ROBO2: variants seen among roughly 807,000 people sequenced by gnomAD.
ROBO2 encodes the protein roundabout guidance receptor 2.
A neutral mutation model predicts 160.8 loss-of-function variants in ROBO2; 53 were observed. The ratio of observed to expected loss-of-function variants is 0.33; its 90% CI spans 0.26 to 0.41. The LOEUF (loss-of-function observed/expected upper bound fraction) is 0.41. Ranked by LOEUF, ROBO2 falls within the 10% of genes least tolerant of loss-of-function variation. The pLI is 1.00. For synonymous variants in ROBO2, 664 were observed against 611.7 expected, an observed-to-expected ratio of 1.09 and a Z score of -1.26; for missense variants, 1,577 against 1,722.4, an observed-to-expected ratio of 0.92 and a Z score of 1.49.
At chr3:76,194,214 T>C (rs1292699390) in intron 2 of ROBO2, among the ~76,000 whole-genome samples, 1 of 151,444 alleles carries the variant, frequency 6.6e-6, no homozygotes, top group African/African-American at 2.4e-5. Context: ...TTATTTTCTA[T>C]TGTTATTCCT....
chr3:75,987,960 A>G (rs564762738), intron 2 of ROBO2, among the ~76,000 whole-genome samples: 7 of 151,254 alleles, frequency 4.6e-5, no homozygotes, highest in South Asian at 4.3e-4. Context: ...GTTGATATTC[A>G]TAACAGATAT....
intron 1 of ROBO2, among the ~76,000 whole-genome samples, chr3:75,922,191 G>A (rs1303960467): frequency 1.3e-5 from 2 of 152,088 alleles, no homozygotes; most frequent in African/African-American, 2.4e-5. Flanking sequence ...TCAGATAATT[G>A]GCTATATGTA....
intron 2 of ROBO2, among the ~76,000 whole-genome samples, chr3:76,980,722 C>G (rs2060054605): frequency 1.3e-5 from 2 of 151,916 alleles, no homozygotes; most frequent in South Asian, 2.1e-4. Context: ...TGCCAAAAAA[C>G]TTACCTATTA....
At chr3:75,961,548 G>A (rs1167504585) in intron 2 of ROBO2, among the ~76,000 whole-genome samples, 6 of 151,566 alleles carry the variant, frequency 4.0e-5, no homozygotes, top group African/African-American at 1.5e-4. Context: ...TTTTAATATC[G>A]ATTCTGGTAA....
At chr3:77,611,935 G>A (rs1285480711) in intron 21 of ROBO2, among the ~76,000 whole-genome samples, 2 of 152,102 alleles carry the variant, frequency 1.3e-5, no homozygotes, top group African/African-American at 4.8e-5. Flanking sequence ...TTGAAAAGTG[G>A]GGCTTTTCTT....
At chr3:77,628,926 A>G (rs1191725919) in intron 23 of ROBO2, among the ~76,000 whole-genome samples, 1 of 152,182 alleles carries the variant, frequency 6.6e-6, no homozygotes, top group Non-Finnish European at 1.5e-5. Flanking sequence ...TTGCTCTTAC[A>G]AGAAGTACAA....
At chr3:76,024,953 T>A (rs562951851) in intron 2 of ROBO2, among the ~76,000 whole-genome samples, 1,970 of 149,036 alleles carry the variant, frequency 0.013, 39 homozygotes, top group Admixed American at 0.04. Context: ...ATATATATAT[T>A]ATATATATGT....
At chr3:76,651,627 G>T (rs1417827507) in intron 2 of ROBO2, among the ~76,000 whole-genome samples, 2 of 149,952 alleles carry the variant, frequency 1.3e-5, no homozygotes, top group African/African-American at 2.5e-5. Flanking sequence ...AAAAAAAAAA[G>T]AATTGAAAAA....
At chr3:76,147,053 A>T (rs1219882840) in intron 2 of ROBO2, among the ~76,000 whole-genome samples, 1 of 151,582 alleles carries the variant, frequency 6.6e-6, no homozygotes, top group Non-Finnish European at 1.5e-5. Flanking sequence ...TAATCTGTAC[A>T]GCAAACCCCA....
intron 2 of ROBO2, among the ~76,000 whole-genome samples, chr3:76,731,743 T>G (rs1182863597): frequency 1.3e-5 from 2 of 152,230 alleles, no homozygotes; most frequent in Non-Finnish European, 2.9e-5. Flanking sequence ...TTTCTGGTAC[T>G]CATACAATTC....
chr3:77,089,809 T>C (rs1040619342), intron 1 of ROBO2, among the ~76,000 whole-genome samples: 15 of 152,052 alleles, frequency 9.9e-5, no homozygotes, highest in African/African-American at 3.6e-4. Context: ...TTCTATTCCC[T>C]CCTCCCTCAT....
chr3:76,493,576 T>C (rs1298372227), intron 2 of ROBO2, among the ~76,000 whole-genome samples: 1 of 151,964 alleles, frequency 6.6e-6, no homozygotes, highest in Non-Finnish European at 1.5e-5. Context: ...TATGTTTCCT[T>C]GCATTTTCAA....
chr3:76,378,654 A>G (rs888905319), intron 2 of ROBO2, among the ~76,000 whole-genome samples: 1 of 152,208 alleles, frequency 6.6e-6, no homozygotes, highest in East Asian at 1.9e-4. Flanking sequence ...AGAATATTTT[A>G]GAATCACAGG....
chr3:76,153,458 T>C (rs971768353), intron 2 of ROBO2, among the ~76,000 whole-genome samples: 1 of 152,190 alleles, frequency 6.6e-6, no homozygotes, highest in Non-Finnish European at 1.5e-5. Flanking sequence ...TGTTGTTGTA[T>C]TGGTGGTTTT....
At chr3:76,558,722 A>G (rs2083968461) in intron 2 of ROBO2, among the ~76,000 whole-genome samples, 1 of 152,168 alleles carries the variant, frequency 6.6e-6, no homozygotes, top group Non-Finnish European at 1.5e-5. Flanking sequence ...CAATAACTGT[A>G]AGATGACTGT....
chr3:77,242,661 A>G (rs534644319), intron 2 of ROBO2, among the ~76,000 whole-genome samples: 4 of 152,252 alleles, frequency 2.6e-5, no homozygotes, highest in Non-Finnish European at 5.9e-5. Context: ...GAACTTCAAC[A>G]GAAAAAGAAG....
At chr3:76,663,843 G>T (rs903086645) in intron 2 of ROBO2, among the ~76,000 whole-genome samples, 16 of 152,004 alleles carry the variant, frequency 1.1e-4, no homozygotes, top group Non-Finnish European at 1.9e-4. Flanking sequence ...GGCGGAGGTT[G>T]CAGTGAGTCA....
exon 1 of ROBO2, chr3:77,040,193 A>G (rs2063954396): frequency 1.0e-6 from 1 of 986,394 alleles, no homozygotes. Flanking sequence ...CACCGCTGCA[A>G]AGGAGAGGCC....
chr3:77,488,695 G>T (rs942384072), intron 4 of ROBO2, among the ~76,000 whole-genome samples: 3 of 152,108 alleles, frequency 2.0e-5, no homozygotes, highest in African/African-American at 7.2e-5. Flanking sequence ...CAAAAGGGGA[G>T]ACTCAAGTTA....
Sources: allele counts gnomAD v4.1 joint callset (sites outside exome capture counted in the v4.1 genomes callset), GRCh38; gene constraint gnomAD v4.1.1; transcripts MANE v1.5; gene names NCBI Gene and HGNC (gene_info 2026-07-23, HGNC 2026-07-21).